Variants in RBFOX1 observed in about 807,000 individuals in gnomAD.
RBFOX1 encodes the protein RNA binding protein fox-1 homolog 1.
A neutral mutation model predicts 57.7 loss-of-function variants in RBFOX1; 8 were observed. That is an observed-to-expected ratio of 0.14 (90% CI 0.08 to 0.25). RBFOX1 has a LOEUF of 0.25. RBFOX1 is among the 10% of genes least tolerant of loss of function. The pLI is 1.00. For synonymous variants in RBFOX1, 326 were observed against 222.4 expected, an observed-to-expected ratio of 1.47 and a Z score of -4.15; for missense variants, 611 against 548.5, an observed-to-expected ratio of 1.11 and a Z score of -1.14.
chr16:6,635,845 A>G (rs543563269), intron 2 of RBFOX1, among the ~76,000 whole-genome samples: 5 of 152,266 alleles, frequency 3.3e-5, no homozygotes, highest in East Asian at 3.9e-4. Flanking sequence ...TAGTCTGACT[A>G]TTCCTTTTAT....
At chr16:5,810,965 C>T (rs1035155385) in intron 3 of RBFOX1, among the ~76,000 whole-genome samples, 1 of 152,026 alleles carries the variant, frequency 6.6e-6, no homozygotes, top group Non-Finnish European at 1.5e-5. Context: ...ACCATCACCA[C>T]AGTCAGGATA....
chr16:7,096,671 C>A (rs1367005230), intron 4 of RBFOX1, among the ~76,000 whole-genome samples: 1 of 152,022 alleles, frequency 6.6e-6, no homozygotes, highest in African/African-American at 2.4e-5. Flanking sequence ...TTGGCTCATG[C>A]CTGTAATCCC....
At chr16:7,427,630 A>AT (rs539475835) in intron 4 of RBFOX1, among the ~76,000 whole-genome samples, 325 of 147,822 alleles carry the variant, frequency 2.2e-3, no homozygotes, top group Middle Eastern at 0.014. Context: ...TCTTCTTTTT[A>AT]TTTTTTTTTA....
At chr16:6,864,547 C>CTTTTTTTT (rs556959548) in intron 3 of RBFOX1, among the ~76,000 whole-genome samples, 1 of 139,520 alleles carries the variant, frequency 7.2e-6, no homozygotes, top group African/African-American at 2.6e-5. Flanking sequence ...TCTCCTTCCT[C>CTTTTTTTT]TTTTTTTTTT....
chr16:6,763,628 T>C (rs886463976), intron 3 of RBFOX1, among the ~76,000 whole-genome samples: 2 of 152,200 alleles, frequency 1.3e-5, no homozygotes, highest in Non-Finnish European at 2.9e-5. Flanking sequence ...GTCTCACCAA[T>C]TACGTATTTC....
At chr16:7,021,925 CTTTA>C (rs1340794611) in intron 3 of RBFOX1, among the ~76,000 whole-genome samples, 83 of 147,556 alleles carry the variant, frequency 5.6e-4, no homozygotes, top group Middle Eastern at 3.6e-3. Flanking sequence ...TTCTTTCTTT[CTTTA>C]TTTTCTTTTC....
intron 3 of RBFOX1, among the ~76,000 whole-genome samples, chr16:6,656,195 T>G (rs1466691974): frequency 4.6e-5 from 7 of 152,222 alleles, no homozygotes; most frequent in African/African-American, 1.2e-4. Flanking sequence ...GCCGAATCAT[T>G]CCGCTCATGT....
chr16:5,916,867 CG>C (rs761308261), intron 4 of RBFOX1, among the ~76,000 whole-genome samples: 6 of 152,092 alleles, frequency 3.9e-5, no homozygotes, highest in Non-Finnish European at 8.8e-5. Flanking sequence ...GCTCTCCTGA[CG>C]GGGGAAAGCA....
chr16:6,698,948 T>G (rs2061442945), intron 3 of RBFOX1, among the ~76,000 whole-genome samples: 2 of 152,190 alleles, frequency 1.3e-5, no homozygotes, highest in Non-Finnish European at 2.9e-5. Flanking sequence ...GTACGAAGAC[T>G]CTAGAACAAG....
intron 3 of RBFOX1, among the ~76,000 whole-genome samples, chr16:5,745,523 C>T (rs1393900220): frequency 6.6e-6 from 1 of 152,210 alleles, no homozygotes; most frequent in Non-Finnish European, 1.5e-5. Context: ...GCCTTACTGT[C>T]TTCCACAATG....
At chr16:5,869,385 C>G (rs2057413658) in intron 4 of RBFOX1, among the ~76,000 whole-genome samples, 1 of 152,100 alleles carries the variant, frequency 6.6e-6, no homozygotes, top group African/African-American at 2.4e-5. Context: ...CATGTTGCCC[C>G]TTTTAAACTT....
Position 5,673,117 on chromosome 16 carries a change from C to T in RBFOX1, c.318+74156C>T, listed in dbSNP as rs747803160. Among the ~76,000 whole-genome samples, 69 of 152,088 alleles carry T rather than the reference C, an allele frequency of 4.5e-4. 1 individual carries two copies. The highest frequency in any genetic ancestry group is 1.2e-3 in the African/African-American group (49 of 41,462). On this transcript the variant is annotated intron_variant, in intron 3 of 19. Transcript: ENST00000641259. ...CTGCATCCTTTGGAAAAGCAGGGCA[C>T]GCATTTTCCTGCTGACACACACAAG...
Position 6,345,936 on chromosome 16 carries a change from G to A in RBFOX1, c.-64+28879G>A, listed in dbSNP as rs140561626. Among the ~76,000 whole-genome samples the A allele has an allele frequency of 3.7e-4, 56 of 152,258 alleles. 2 individuals are homozygous for A. In the East Asian group the frequency reaches 9.7e-3, roughly 26 times the overall value. ...TTGGTCTGGAAAGGCAGGACAACTCGAAACAAAGGCAGGAAGACTCAAAGC... is the reference window on the plus strand; with the variant it reads ...TTGGTCTGGAAAGGCAGGACAACTCAAAACAAAGGCAGGAAGACTCAAAGC... On this transcript the variant is annotated intron_variant, in intron 2 of 15. Transcript: ENST00000550418.
intron 4 of RBFOX1, among the ~76,000 whole-genome samples, chr16:7,118,186 G>C (rs2066333008): frequency 6.6e-6 from 1 of 152,114 alleles, no homozygotes; most frequent in Non-Finnish European, 1.5e-5. Flanking sequence ...TAGAGGTTGT[G>C]CTAATTTACA....
intron 4 of RBFOX1, among the ~76,000 whole-genome samples, chr16:7,183,241 A>G (rs1482996757): frequency 6.6e-6 from 1 of 152,106 alleles, no homozygotes; most frequent in Non-Finnish European, 1.5e-5. Flanking sequence ...TTTGGGGAGA[A>G]AAAGAAGCCA....
intron 4 of RBFOX1, among the ~76,000 whole-genome samples, chr16:7,156,115 G>C (rs1012313200): frequency 2.0e-5 from 3 of 151,900 alleles, no homozygotes; most frequent in African/African-American, 4.8e-5. Flanking sequence ...TAAGCAATCT[G>C]CCCACTTTGG....
intron 11 of RBFOX1, among the ~76,000 whole-genome samples, chr16:7,652,286 G>C (rs1271595121): frequency 2.0e-5 from 3 of 152,176 alleles, no homozygotes; most frequent in African/African-American, 7.2e-5. Flanking sequence ...ATCCCAGATA[G>C]AGGAAACAGC....
intron 3 of RBFOX1, among the ~76,000 whole-genome samples, chr16:6,746,735 G>A (rs976321002): frequency 1.3e-5 from 2 of 151,888 alleles, no homozygotes; most frequent in Admixed American, 6.6e-5. Flanking sequence ...TTAATTGAAA[G>A]TTTACATAGG....
chr16:6,729,972 C>G (rs2068128850), intron 3 of RBFOX1, among the ~76,000 whole-genome samples: 1 of 151,852 alleles, frequency 6.6e-6, no homozygotes, highest in Non-Finnish European at 1.5e-5. Flanking sequence ...GATCCTGATG[C>G]CAACAAATGA....
Sources: allele counts gnomAD v4.1 joint callset (sites outside exome capture counted in the v4.1 genomes callset), GRCh38; gene constraint gnomAD v4.1.1; transcripts MANE v1.5; gene names NCBI Gene and HGNC (gene_info 2026-07-23, HGNC 2026-07-21).